The following MCTP1 variants were observed in gnomAD, a reference collection of about 807,000 sequenced individuals.
MCTP1 encodes the protein multiple C2 and transmembrane domain containing 1, also known as multiple C2 and transmembrane domain-containing protein 1.
In MCTP1, 69 loss-of-function variants were observed where a neutral mutation model predicts 120.6. That is an observed-to-expected ratio of 0.57 (90% CI 0.47 to 0.70). MCTP1 has a LOEUF of 0.70. Among genes scored for constraint, MCTP1 ranks in the 30% least tolerant of loss-of-function variants. MCTP1 has a pLI of 0.00. For missense variants in MCTP1, 1,203 were observed against 1,248.8 expected (o/e 0.96, Z 0.55); for synonymous variants, 529 against 493.1 (o/e 1.07, Z -0.96).
intron 1 of MCTP1, among the ~76,000 whole-genome samples, chr5:95,277,806 T>G (rs912396579): frequency 2.0e-5 from 3 of 152,180 alleles, no homozygotes; most frequent in Non-Finnish European, 4.4e-5. Flanking sequence ...CCAAATTGGC[T>G]AGGACCCAAG....
intron 17 of MCTP1, among the ~76,000 whole-genome samples, chr5:94,846,014 G>C (rs1254973280): frequency 6.6e-6 from 1 of 152,208 alleles, no homozygotes; most frequent in Admixed American, 6.5e-5. Flanking sequence ...ATGCTGGTTA[G>C]GTTGTGGAGG....
chr5:95,214,995 C>G (rs1434167107), intron 1 of MCTP1, among the ~76,000 whole-genome samples: 4 of 152,008 alleles, frequency 2.6e-5, no homozygotes, highest in Non-Finnish European at 4.4e-5. Context: ...GCACACGTAC[C>G]CTAAAACTTA....
intron 1 of MCTP1, among the ~76,000 whole-genome samples, chr5:95,140,625 G>A (rs1246936601): frequency 6.7e-6 from 1 of 148,882 alleles, no homozygotes; most frequent in Non-Finnish European, 1.5e-5. Flanking sequence ...TCGGGAGGCC[G>A]AGGCGGGTGG....
intron 19 of MCTP1, among the ~76,000 whole-genome samples, chr5:94,769,715 G>A (rs559813437): frequency 1.3e-5 from 2 of 151,948 alleles, no homozygotes; most frequent in African/African-American, 4.8e-5. Flanking sequence ...AAAACAGGTC[G>A]ATTTTTAAAC....
At chr5:95,087,310 T>C (rs1432257654) in intron 1 of MCTP1, among the ~76,000 whole-genome samples, 1 of 152,148 alleles carries the variant, frequency 6.6e-6, no homozygotes, top group Non-Finnish European at 1.5e-5. Context: ...GGCCAGCACA[T>C]AGATAGATAA....
At chr5:94,995,524 T>G (rs1045306317) in intron 2 of MCTP1, among the ~76,000 whole-genome samples, 5 of 152,060 alleles carry the variant, frequency 3.3e-5, no homozygotes, top group South Asian at 4.1e-4. Context: ...AAAGTGAGAC[T>G]CTCCTTGCAG....
intron 1 of MCTP1, among the ~76,000 whole-genome samples, chr5:95,039,663 A>G (rs1488594539): frequency 6.6e-6 from 1 of 152,204 alleles, no homozygotes; most frequent in African/African-American, 2.4e-5. Context: ...TTTTCCATAC[A>G]TAAATAAAAT....
intron 1 of MCTP1, among the ~76,000 whole-genome samples, chr5:95,250,180 A>C (rs1043168247): frequency 2.6e-5 from 4 of 152,168 alleles, no homozygotes; most frequent in Non-Finnish European, 5.9e-5. Flanking sequence ...AAATAAAAAT[A>C]ATGAAGATAA....
intron 5 of MCTP1, among the ~76,000 whole-genome samples, chr5:94,932,637 T>C (rs1004563986): frequency 2.6e-5 from 4 of 152,060 alleles, no homozygotes; most frequent in Non-Finnish European, 5.9e-5. Flanking sequence ...ATCACTAATC[T>C]CTTGAATAAA....
chr5:95,171,328 C>T (rs1165518503), intron 1 of MCTP1, among the ~76,000 whole-genome samples: 1 of 152,196 alleles, frequency 6.6e-6, no homozygotes, highest in African/African-American at 2.4e-5. Context: ...ACCTTTCTCT[C>T]GGGCTGCCCT....
At chr5:95,156,596 C>T (rs1745154418) in intron 1 of MCTP1, among the ~76,000 whole-genome samples, 1 of 151,940 alleles carries the variant, frequency 6.6e-6, no homozygotes, top group South Asian at 2.1e-4. Context: ...CTGCTTTCTT[C>T]ATAGCCACCC....
chr5:95,246,501 G>C (rs947724882), intron 1 of MCTP1, among the ~76,000 whole-genome samples: 1 of 151,938 alleles, frequency 6.6e-6, no homozygotes, highest in African/African-American at 2.4e-5. Flanking sequence ...TAAAAAGCAG[G>C]GGTTGCAATC....
chr5:94,782,181 G>T (rs1271341248), intron 18 of MCTP1, among the ~76,000 whole-genome samples: 2 of 152,054 alleles, frequency 1.3e-5, no homozygotes, highest in East Asian at 3.8e-4. Context: ...ACTCAAAAAT[G>T]TTAGCTATTA....
At chr5:95,112,704 T>C (rs1473636670) in intron 1 of MCTP1, among the ~76,000 whole-genome samples, 1 of 152,164 alleles carries the variant, frequency 6.6e-6, no homozygotes, top group Non-Finnish European at 1.5e-5. Context: ...AATTGTAAGA[T>C]AGCAAAAATT....
At chr5:94,884,929 T>G (rs1800931377) in intron 12 of MCTP1, among the ~76,000 whole-genome samples, 1 of 152,146 alleles carries the variant, frequency 6.6e-6, no homozygotes, top group Non-Finnish European at 1.5e-5. Flanking sequence ...GTAGTAAACA[T>G]CTCTCTTAAT....
At chr5:95,122,363 G>A (rs1014957618) in intron 1 of MCTP1, among the ~76,000 whole-genome samples, 1 of 152,124 alleles carries the variant, frequency 6.6e-6, no homozygotes, top group Non-Finnish European at 1.5e-5. Flanking sequence ...TGTCTCAAAA[G>A]AAGACATAAA....
intron 1 of MCTP1, among the ~76,000 whole-genome samples, chr5:95,181,606 G>C (rs1187783374): frequency 6.7e-6 from 1 of 149,858 alleles, no homozygotes. Context: ...CACAGGGTGA[G>C]AGAGAGAGAG....
At chr5:95,008,423 C>T (rs1296322816) in intron 2 of MCTP1, among the ~76,000 whole-genome samples, 2 of 152,150 alleles carry the variant, frequency 1.3e-5, no homozygotes, top group African/African-American at 4.8e-5. Context: ...GAATGCACTG[C>T]TTGACACTCA....
At chr5:94,988,594 TG>T in intron 2 of MCTP1, among the ~76,000 whole-genome samples, 1 of 135,346 alleles carries the variant, frequency 7.4e-6, no homozygotes, top group African/African-American at 3.0e-5. Context: ...ATTCCCTGTG[TG>T]TGTTTTTTTT....
Sources: gnomAD v4.1 joint callset for allele counts (sites outside exome capture counted in the v4.1 genomes callset) on GRCh38, gnomAD v4.1.1 for gene constraint, MANE v1.5 for transcripts, NCBI Gene and HGNC (gene_info 2026-07-23, HGNC 2026-07-21) for gene names.